The following RBFOX1 variants were observed in gnomAD, a reference collection of about 807,000 sequenced individuals.
RBFOX1 encodes RNA binding protein fox-1 homolog 1.
A neutral mutation model predicts 57.7 loss-of-function variants in RBFOX1; 8 were observed. That is an observed-to-expected ratio of 0.14 (90% confidence interval 0.08 to 0.25). The LOEUF is 0.25. Among genes scored for constraint, RBFOX1 ranks in the 10% least tolerant of loss-of-function variants. The probability of loss-of-function intolerance (pLI) is 1.00; values close to 1 mark genes in which losing one functional copy is unlikely to be tolerated. For missense variants in RBFOX1, 611 were observed against 548.5 expected (o/e 1.11, Z -1.14); for synonymous variants, 326 against 222.4 (o/e 1.47, Z -4.15).
chr16:7,231,266 C>T (rs1294337834), intron 4 of RBFOX1, among the ~76,000 whole-genome samples: 16 of 152,146 alleles, frequency 1.1e-4, no homozygotes, highest in African/African-American at 3.9e-4. Context: ...TAAGGGAGGG[C>T]TTGGCTGGTT....
At chr16:6,608,251 A>C (rs771371016) in intron 2 of RBFOX1, among the ~76,000 whole-genome samples, 37 of 152,304 alleles carry the variant, frequency 2.4e-4, no homozygotes, top group Non-Finnish European at 3.4e-4. Context: ...TATAATCATT[A>C]ATAGATACCT....
At chr16:7,450,348 C>T (rs149973107) in intron 4 of RBFOX1, among the ~76,000 whole-genome samples, 48 of 142,534 alleles carry the variant, frequency 3.4e-4, no homozygotes, top group African/African-American at 9.3e-4. Flanking sequence ...GAGCCGCAAT[C>T]GCGCCATTGC....
chr16:7,004,871 C>T (rs1026581382), intron 3 of RBFOX1, among the ~76,000 whole-genome samples: 2 of 152,116 alleles, frequency 1.3e-5, no homozygotes, highest in African/African-American at 2.4e-5. Flanking sequence ...GCAAAGAGGC[C>T]AGGTGAGGTG....
chr16:7,549,966 G>A (rs1012313851), intron 5 of RBFOX1, among the ~76,000 whole-genome samples: 2 of 151,948 alleles, frequency 1.3e-5, no homozygotes, highest in African/African-American at 4.8e-5. Context: ...GTTTTACTCT[G>A]TCACTTAGGC....
At chr16:5,935,330 C>T (rs552345347) in intron 4 of RBFOX1, among the ~76,000 whole-genome samples, 4 of 152,234 alleles carry the variant, frequency 2.6e-5, no homozygotes, top group Admixed American at 6.5e-5. Flanking sequence ...TGGGGACACA[C>T]GAGGATCCAT....
chr16:6,602,128 ATGTT>A (rs1455913966), intron 2 of RBFOX1, among the ~76,000 whole-genome samples: 1 of 151,816 alleles, frequency 6.6e-6, no homozygotes, highest in Non-Finnish European at 1.5e-5. Context: ...CTTTGGAGAA[ATGTT>A]TGTTCAAATC....
intron 3 of RBFOX1, among the ~76,000 whole-genome samples, chr16:6,961,681 G>T (rs1336573272): frequency 2.6e-5 from 4 of 152,154 alleles, no homozygotes; most frequent in Admixed American, 2.0e-4. Context: ...AAGGGGTGGG[G>T]ACTTCCTCTG....
chr16:7,283,318 G>A (rs1428399649), intron 4 of RBFOX1, among the ~76,000 whole-genome samples: 1 of 151,892 alleles, frequency 6.6e-6, no homozygotes, highest in Non-Finnish European at 1.5e-5. Flanking sequence ...ATCTGCCTCT[G>A]CAGTCTCTAT....
At chr16:7,185,297 T>C (rs1327222268) in intron 4 of RBFOX1, among the ~76,000 whole-genome samples, 4 of 152,206 alleles carry the variant, frequency 2.6e-5, no homozygotes, top group Non-Finnish European at 4.4e-5. Flanking sequence ...TTTTCCCTAA[T>C]GATTCTACTG....
intron 13 of RBFOX1, among the ~76,000 whole-genome samples, chr16:7,671,256 C>G (rs1323743964): frequency 2.0e-5 from 3 of 152,174 alleles, no homozygotes; most frequent in African/African-American, 7.2e-5. Flanking sequence ...TTGGAATATG[C>G]TTTAAGAGGC....
At chr16:6,454,158 A>G (rs1483796680) in intron 2 of RBFOX1, among the ~76,000 whole-genome samples, 1 of 152,180 alleles carries the variant, frequency 6.6e-6, no homozygotes, top group Non-Finnish European at 1.5e-5. Context: ...ACCTCTTTAA[A>G]GACCTTCTTT....
chr16:6,403,644 C>G (rs2109456), intron 2 of RBFOX1, among the ~76,000 whole-genome samples: 68,424 of 151,986 alleles, frequency 0.45, 16,128 homozygotes, highest in Non-Finnish European at 0.51. Context: ...CATGAGCCAC[C>G]GTGCCTGACA....
chr16:6,231,228 G>GTT (rs1158556851), intron 1 of RBFOX1, among the ~76,000 whole-genome samples: 1 of 96,602 alleles, frequency 1.0e-5, no homozygotes, highest in African/African-American at 3.2e-5. Context: ...GTGTGTGTGT[G>GTT]TGTGTGTGTA....
chr16:7,499,605 A>G (rs1481149303), intron 4 of RBFOX1, among the ~76,000 whole-genome samples: 1 of 152,212 alleles, frequency 6.6e-6, no homozygotes, highest in Non-Finnish European at 1.5e-5. Flanking sequence ...CATTCTGTCT[A>G]AAGAAGATAG....
At chr16:5,649,117 A>G (rs1567344976) in intron 3 of RBFOX1, among the ~76,000 whole-genome samples, 1 of 152,116 alleles carries the variant, frequency 6.6e-6, no homozygotes, top group Non-Finnish European at 1.5e-5. Context: ...TTATATATAT[A>G]TACACACATA....
intron 3 of RBFOX1, among the ~76,000 whole-genome samples, chr16:5,813,327 C>T (rs2055502744): frequency 6.6e-6 from 1 of 152,202 alleles, no homozygotes. Flanking sequence ...CAACATTGTA[C>T]AACCATTATG....
chr16:6,968,351 T>C (rs1323934362), intron 3 of RBFOX1, among the ~76,000 whole-genome samples: 1 of 152,204 alleles, frequency 6.6e-6, no homozygotes, highest in African/African-American at 2.4e-5. Flanking sequence ...TTCTTTTCCT[T>C]CTTTTTTCTT....
At chr16:7,213,651 G>C (rs559493935) in intron 4 of RBFOX1, among the ~76,000 whole-genome samples, 3 of 152,184 alleles carry the variant, frequency 2.0e-5, no homozygotes, top group African/African-American at 7.2e-5. Flanking sequence ...CTTGAGATGA[G>C]CTATCTCATT....
intron 1 of RBFOX1, among the ~76,000 whole-genome samples, chr16:6,192,121 T>A (rs1384038505): frequency 6.6e-6 from 1 of 152,188 alleles, no homozygotes; most frequent in Non-Finnish European, 1.5e-5. Context: ...CTCCCCTGTA[T>A]CAATAACTAT....
Sources: gnomAD v4.1 joint callset for allele counts (sites outside exome capture counted in the v4.1 genomes callset) on GRCh38, gnomAD v4.1.1 for gene constraint, MANE v1.5 for transcripts, NCBI Gene and HGNC (gene_info 2026-07-23, HGNC 2026-07-21) for gene names.